Variants in ZSWIM6 observed in about 807,000 individuals in gnomAD.
ZSWIM6 encodes zinc finger SWIM-type containing 6.
A neutral mutation model predicts 113.2 loss-of-function variants in ZSWIM6; 9 were observed. The ratio of observed to expected loss-of-function variants is 0.08; its 90% CI spans 0.05 to 0.14. ZSWIM6 has a LOEUF of 0.14. Among genes scored for constraint, ZSWIM6 ranks in the 10% least tolerant of loss-of-function variants. The pLI is 1.00. For missense variants in ZSWIM6, 1,162 were observed against 1,552.2 expected (o/e 0.75, Z 4.22); for synonymous variants, 611 against 606.5 (o/e 1.01, Z -0.11).
chr5:61,440,020 T>C (rs1288983805), intron 1 of ZSWIM6, among the ~76,000 whole-genome samples: 1 of 152,088 alleles, frequency 6.6e-6, no homozygotes, highest in Non-Finnish European at 1.5e-5. Flanking sequence ...ACTGTGGTAA[T>C]TGGAGTAGTC....
chr5:61,359,631 T>A (rs996803163), intron 1 of ZSWIM6, among the ~76,000 whole-genome samples: 1 of 152,182 alleles, frequency 6.6e-6, no homozygotes, highest in Non-Finnish European at 1.5e-5. Context: ...ATGATGGGAC[T>A]GTTTTCAGAA....
At position 61,530,156 on chromosome 5, in the gene ZSWIM6, C is replaced by T. The variant is rs1580066886; in HGVS notation, c.1942C>T (p.Arg648Cys). ...TLFSSLMEACRIDDENLSGFS... is the reference protein window; with the variant it reads ...TLFSSLMEACCIDDENLSGFS... ...CTTCAGTAGCCTTATGGAAGCCTGC[C>T]GCATTGATGATGAGAACCTCTCTGG... Residue 648 changes from arginine to cysteine, a missense_variant, in exon 8 of 14, where the codon CGC (arginine) becomes TGC (cysteine). Physicochemically the swap from Arg to Cys is radical, Grantham distance 180 (BLOSUM62 -3). This residue lies in a region of ZSWIM6 where 620 missense variants were observed against 804.6 expected (regional missense o/e 0.77). Coordinates refer to ENST00000252744, the MANE Select transcript of ZSWIM6 (RefSeq NM_020928.2). The T allele has an allele frequency of 8.4e-6, 13 of 1,551,786 alleles. No homozygotes were observed. Among genetic ancestry groups the T allele is most frequent in the Non-Finnish European group, 1.0e-5 (12 of 1,146,886 alleles).
At position 61,464,158 on chromosome 5, in the gene ZSWIM6, A is replaced by ATTTTTTTT. The variant is rs869288331; in HGVS notation, c.677-8497_677-8490dup. On this transcript the variant is annotated intron_variant, in intron 1 of 13. Transcript: ENST00000252744. Reference sequence around the variant, plus strand: ...AGGTGCATGCCAACACACCCGGCTAATTTTTTTTTTTTTTTTTTTTTTTTT... The same window carrying ATTTTTTTT: ...AGGTGCATGCCAACACACCCGGCTAATTTTTTTTTTTTTTTTTTTTTTTTTTTTTTTTT... Among the ~76,000 whole-genome samples, 55 of 43,524 alleles carry ATTTTTTTT rather than the reference A, an allele frequency of 1.3e-3. 1 individual carries two copies. The highest frequency in any genetic ancestry group is 1.4e-3 in the African/African-American group (15 of 10,878). 28.6% of individuals were successfully genotyped at this position (43,524 alleles called of 152,430 possible).
intron 1 of ZSWIM6, among the ~76,000 whole-genome samples, chr5:61,366,344 C>T (rs1423988248): frequency 6.6e-6 from 1 of 152,208 alleles, no homozygotes; most frequent in Admixed American, 6.5e-5. Flanking sequence ...GTGGCCGTGC[C>T]ACGTTTTAGT....
chr5:61,461,167 C>G (rs1747316257), intron 1 of ZSWIM6, among the ~76,000 whole-genome samples: 1 of 152,128 alleles, frequency 6.6e-6, no homozygotes, highest in Non-Finnish European at 1.5e-5. Context: ...TCTCTCTCCC[C>G]TTCCCTGAGC....
chr5:61,441,323 G>A (rs1309299457), intron 1 of ZSWIM6, among the ~76,000 whole-genome samples: 1 of 152,034 alleles, frequency 6.6e-6, no homozygotes. Flanking sequence ...TAGCTTTATG[G>A]TTAGTCTCCG....
chr5:61,457,996 C>A (rs1441590153), intron 1 of ZSWIM6, among the ~76,000 whole-genome samples: 1 of 152,132 alleles, frequency 6.6e-6, no homozygotes, highest in Non-Finnish European at 1.5e-5. Flanking sequence ...CATTAAAAAT[C>A]TCTTCTAGAA....
chr5:61,513,304 T>G (rs1748838691), intron 4 of ZSWIM6, among the ~76,000 whole-genome samples: 1 of 152,118 alleles, frequency 6.6e-6, no homozygotes, highest in African/African-American at 2.4e-5. Context: ...TGATAGTCTT[T>G]TCTTTGCCCA....
intron 10 of ZSWIM6, among the ~76,000 whole-genome samples, chr5:61,535,890 G>C (rs1749560333): frequency 6.6e-6 from 1 of 152,190 alleles, no homozygotes; most frequent in Non-Finnish European, 1.5e-5. Context: ...TTCAAGCCAA[G>C]TTTAATCATA....
intron 4 of ZSWIM6, among the ~76,000 whole-genome samples, chr5:61,504,792 G>T (rs139102497): frequency 1.3e-5 from 2 of 152,284 alleles, no homozygotes; most frequent in African/African-American, 4.8e-5. Context: ...GCACTTATGC[G>T]TAAATATGGA....
intron 7 of ZSWIM6, among the ~76,000 whole-genome samples, chr5:61,527,220 T>C (rs1419183316): frequency 6.6e-6 from 1 of 152,242 alleles, no homozygotes. Context: ...GATTAATCCA[T>C]GTACATCTTG....
chr5:61,466,844 C>A (rs906108592), intron 1 of ZSWIM6, among the ~76,000 whole-genome samples: 1 of 151,918 alleles, frequency 6.6e-6, no homozygotes, highest in African/African-American at 2.4e-5. Flanking sequence ...AAAATTTAAC[C>A]TAAGATATGA....
chr5:61,486,676 G>A (rs1042813102), intron 2 of ZSWIM6, among the ~76,000 whole-genome samples: 1 of 152,058 alleles, frequency 6.6e-6, no homozygotes, highest in African/African-American at 2.4e-5. Flanking sequence ...GTTTTGACTT[G>A]CATTTCTCTC....
At chr5:61,380,581 T>C (rs745965455) in intron 1 of ZSWIM6, among the ~76,000 whole-genome samples, 1 of 152,196 alleles carries the variant, frequency 6.6e-6, no homozygotes, top group Non-Finnish European at 1.5e-5. Context: ...GAGTCCTTTC[T>C]GTGTGTCAAG....
intron 1 of ZSWIM6, among the ~76,000 whole-genome samples, chr5:61,453,378 C>CTTTT (rs60097146): frequency 2.0e-4 from 27 of 135,882 alleles, no homozygotes; most frequent in South Asian, 4.8e-4. Context: ...CTCTCTCTCT[C>CTTTT]TTTTTTTTTT....
intron 4 of ZSWIM6, among the ~76,000 whole-genome samples, chr5:61,500,373 A>G (rs6874266): frequency 0.38 from 57,185 of 151,734 alleles, 10,922 homozygotes; most frequent in South Asian, 0.43. Context: ...TGATATGCCC[A>G]CCTCAGCCTC....
chr5:61,463,736 C>G (rs1168841120), intron 1 of ZSWIM6, among the ~76,000 whole-genome samples: 1 of 152,184 alleles, frequency 6.6e-6, no homozygotes, highest in African/African-American at 2.4e-5. Flanking sequence ...AATAGTCTTT[C>G]ATGAAGTTAA....
intron 4 of ZSWIM6, among the ~76,000 whole-genome samples, chr5:61,497,578 T>C (rs532224803): frequency 1.3e-5 from 2 of 152,070 alleles, no homozygotes; most frequent in African/African-American, 4.8e-5. Context: ...TACAGATGCA[T>C]AGTCTTAAGA....
intron 1 of ZSWIM6, among the ~76,000 whole-genome samples, chr5:61,447,506 C>T (rs1746986531): frequency 6.6e-6 from 1 of 152,148 alleles, no homozygotes; most frequent in South Asian, 2.1e-4. Context: ...CCACAAAGGA[C>T]ACTCACTCAT....
Sources: gnomAD v4.1 joint callset for allele counts (sites outside exome capture counted in the v4.1 genomes callset) on GRCh38, gnomAD v4.1.1 for gene constraint, gnomAD v4.1.1 regional missense constraint, MANE v1.5 for transcripts, NCBI Gene and HGNC (gene_info 2026-07-23, HGNC 2026-07-21) for gene names.